The following MAML2 variants were observed in gnomAD, a reference collection of about 807,000 sequenced individuals.
The protein encoded by MAML2 is mastermind like transcriptional coactivator 2.
MAML2 carries 22 observed loss-of-function variants against 96.1 expected under a neutral mutation model. The ratio of observed to expected loss-of-function variants is 0.23; its 90% CI spans 0.16 to 0.33. MAML2 has a LOEUF of 0.33. MAML2 is among the 10% of genes least tolerant of loss of function. The pLI is 1.00. For synonymous variants in MAML2, 561 were observed against 521.3 expected (o/e 1.08, Z -1.04); for missense variants, 1,367 against 1,392.4 (o/e 0.98, Z 0.29).
intron 1 of MAML2, among the ~76,000 whole-genome samples, chr11:96,255,569 G>A (rs1468524802): frequency 1.3e-5 from 2 of 152,088 alleles, no homozygotes; most frequent in East Asian, 3.9e-4. Context: ...TTGTGTTCTG[G>A]CCTATGACAC....
intron 1 of MAML2, among the ~76,000 whole-genome samples, chr11:96,332,609 A>G (rs752172169): frequency 3.3e-5 from 5 of 152,268 alleles, no homozygotes; most frequent in Non-Finnish European, 7.4e-5. Context: ...TTGCACTTTA[A>G]CACTTCTGCG....
chr11:96,093,479 T>C lies in MAML2; in HGVS notation c.552A>G (p.Leu184=), dbSNP rs1565212845. The change falls in exon 2 of 5, where the codon CTA becomes CTG. Residue 184 remains leucine, a synonymous_variant. Transcript: ENST00000524717. ...TGGGTCGCTTGCTGTTGGCAGGAGA[T>C]AGGTTAACTACCTGTTTTCTTTTCA... ...GSLKRKQVVN[L]SPANSKRPNG... is the part of the protein sequence containing the mutation. 4 of 1,613,006 alleles carry C rather than the reference T, an allele frequency of 2.5e-6. No individual in the cohort carries two copies. Among genetic ancestry groups the C allele is most frequent in the Non-Finnish European group, 2.5e-6 (3 of 1,179,604 alleles).
At chr11:96,080,251 TA>T (rs1158741314) in intron 2 of MAML2, among the ~76,000 whole-genome samples, 1 of 152,150 alleles carries the variant, frequency 6.6e-6, no homozygotes, top group African/African-American at 2.4e-5. Flanking sequence ...CTAAAGTTAA[TA>T]AATCAAGAGG....
intron 1 of MAML2, among the ~76,000 whole-genome samples, chr11:96,197,048 A>G (rs976418188): frequency 2.0e-5 from 3 of 152,166 alleles, no homozygotes; most frequent in Non-Finnish European, 1.5e-5. Flanking sequence ...CTGTGCCTGT[A>G]AAAATCACTC....
intron 1 of MAML2, among the ~76,000 whole-genome samples, chr11:96,188,300 A>G (rs1861602211): frequency 6.6e-6 from 1 of 152,246 alleles, no homozygotes; most frequent in Non-Finnish European, 1.5e-5. Flanking sequence ...TTCTAATTTC[A>G]GATTTTAAAA....
chr11:96,088,688 G>A (rs2135805989), intron 2 of MAML2, among the ~76,000 whole-genome samples: 1 of 152,176 alleles, frequency 6.6e-6, no homozygotes, highest in East Asian at 1.9e-4. Context: ...TGGAGAAGAG[G>A]TTACTTAAAA....
rs181925194 is a variant in MAML2 at position 96,228,542 on chromosome 11, A to G, written c.513+112841T>C. On this transcript the variant is annotated intron_variant, in intron 1 of 4. Transcript: ENST00000524717. ...GCCACAACTAATGGAGTGCCTGGCT[A>G]AAAATAAACAAATAAAATAAGAAGA... is the stretch of plus-strand genomic sequence containing the variant. Among the ~76,000 whole-genome samples the G allele has an allele frequency of 2.0e-4, 30 of 152,318 alleles. No homozygotes were observed. In the East Asian group the frequency reaches 5.8e-3, roughly 29 times the overall value.
At chr11:96,340,270 T>C (rs1252678441) in intron 1 of MAML2, among the ~76,000 whole-genome samples, 1 of 152,224 alleles carries the variant, frequency 6.6e-6, no homozygotes, top group Non-Finnish European at 1.5e-5. Context: ...TTTGAGTACT[T>C]TGGGGCTTGC....
chr11:96,280,284 G>A (rs1482975578), intron 1 of MAML2, among the ~76,000 whole-genome samples: 1 of 152,160 alleles, frequency 6.6e-6, no homozygotes, highest in African/African-American at 2.4e-5. Context: ...GGGGGTAATA[G>A]TCTAAAATTA....
intron 2 of MAML2, among the ~76,000 whole-genome samples, chr11:96,011,175 C>G (rs7929132): frequency 0.21 from 31,767 of 151,984 alleles, 3,529 homozygotes; most frequent in East Asian, 0.37. Flanking sequence ...TCTCAAGGAA[C>G]TAAAAATAGA....
intron 2 of MAML2, among the ~76,000 whole-genome samples, chr11:96,007,894 G>C (rs1245075469): frequency 9.0e-6 from 1 of 110,678 alleles, no homozygotes; most frequent in African/African-American, 3.4e-5. Flanking sequence ...GGGGAGGGGG[G>C]AGGGGTAGCA....
intron 1 of MAML2, among the ~76,000 whole-genome samples, chr11:96,166,136 GTC>G (rs1210525857): frequency 3.6e-5 from 3 of 83,820 alleles, no homozygotes; most frequent in East Asian, 3.1e-4. Flanking sequence ...CTCTTTCTCT[GTC>G]TCTCTCTCTC....
intron 1 of MAML2, among the ~76,000 whole-genome samples, chr11:96,100,059 T>C (rs1231772994): frequency 6.6e-6 from 1 of 152,146 alleles, no homozygotes; most frequent in African/African-American, 2.4e-5. Flanking sequence ...GTATGAAGCT[T>C]TGTGATGGAC....
intron 2 of MAML2, among the ~76,000 whole-genome samples, chr11:95,998,317 A>G (rs765591082): frequency 6.6e-6 from 1 of 152,092 alleles, no homozygotes; most frequent in Non-Finnish European, 1.5e-5. Context: ...TTACAGAAAC[A>G]TTCTTGATGT....
rs180788584 is a variant in MAML2 at position 96,296,660 on chromosome 11, A to G, written c.513+44723T>C. On this transcript the variant is annotated intron_variant, in intron 1 of 4. Coordinates refer to ENST00000524717, the MANE Select transcript of MAML2 (RefSeq NM_032427.4). ...CTCCATCTCCAAAAAATAAAATTAAATAAATAAATAAATAAATAAGAAGCA... is the reference window on the plus strand; with the variant it reads ...CTCCATCTCCAAAAAATAAAATTAAGTAAATAAATAAATAAATAAGAAGCA... 3.3e-5 allele frequency among the ~76,000 whole-genome samples: 5 copies of G among 152,192 alleles called. No homozygotes were observed. The East Asian group carries it at 9.7e-4, about 29-fold the overall frequency.
At chr11:96,191,984 A>G (rs1279697854) in intron 1 of MAML2, among the ~76,000 whole-genome samples, 1 of 152,202 alleles carries the variant, frequency 6.6e-6, no homozygotes, top group East Asian at 1.9e-4. Context: ...CTGTTCTGGC[A>G]GGAATTCCCG....
chr11:96,011,677 T>C (rs1417881145), intron 2 of MAML2, among the ~76,000 whole-genome samples: 4 of 152,058 alleles, frequency 2.6e-5, no homozygotes, highest in African/African-American at 9.7e-5. Context: ...TCATGCAATA[T>C]AACCATGGAG....
chr11:96,156,221 T>C (rs1226802976), intron 1 of MAML2, among the ~76,000 whole-genome samples: 2 of 152,176 alleles, frequency 1.3e-5, no homozygotes, highest in Non-Finnish European at 2.9e-5. Flanking sequence ...CATCTTCTCC[T>C]CAACCCCCTG....
At chr11:96,303,974 T>A (rs1395034905) in intron 1 of MAML2, among the ~76,000 whole-genome samples, 2 of 152,218 alleles carry the variant, frequency 1.3e-5, no homozygotes, top group Non-Finnish European at 2.9e-5. Flanking sequence ...GCACAATTAC[T>A]ATGAGCAAGG....
Sources: gnomAD v4.1 joint callset for allele counts (sites outside exome capture counted in the v4.1 genomes callset) on GRCh38, gnomAD v4.1.1 for gene constraint, MANE v1.5 for transcripts, NCBI Gene and HGNC (gene_info 2026-07-23, HGNC 2026-07-21) for gene names.